Variants in ADCY8 observed in about 807,000 individuals in gnomAD.
The protein encoded by ADCY8 is adenylate cyclase type 8.
A neutral mutation model predicts 119.7 loss-of-function variants in ADCY8; 51 were observed. The observed-to-expected ratio is 0.43, with a 90% CI of 0.34 to 0.54. The LOEUF (loss-of-function observed/expected upper bound fraction) is 0.54. Ranked by LOEUF, ADCY8 falls within the 20% of genes least tolerant of loss-of-function variation. The pLI is 0.03. For missense variants in ADCY8, 1,383 were observed against 1,598.8 expected (o/e 0.87, Z 2.30); for synonymous variants, 665 against 651.0 (o/e 1.02, Z -0.33).
At chr8:130,966,756 C>T (rs552052396) in intron 2 of ADCY8, among the ~76,000 whole-genome samples, 24 of 152,128 alleles carry the variant, frequency 1.6e-4, no homozygotes, top group Non-Finnish European at 3.4e-4. Context: ...GTACCAGTTG[C>T]GTCCTGTGTG....
intron 1 of ADCY8, among the ~76,000 whole-genome samples, chr8:131,001,998 C>T (rs1033667397): frequency 3.3e-5 from 5 of 152,168 alleles, no homozygotes; most frequent in Admixed American, 6.5e-5. Flanking sequence ...ATCCTCACTA[C>T]GGGAGTGGAT....
intron 2 of ADCY8, among the ~76,000 whole-genome samples, chr8:130,984,138 C>T (rs1392523670): frequency 4.7e-5 from 7 of 147,506 alleles, no homozygotes; most frequent in East Asian, 4.0e-4. Context: ...CTTGCATGGG[C>T]GGGCTCCCTG....
intron 14 of ADCY8, among the ~76,000 whole-genome samples, chr8:130,806,376 A>T (rs1256442823): frequency 6.6e-6 from 1 of 152,174 alleles, no homozygotes; most frequent in Non-Finnish European, 1.5e-5. Context: ...AGCACAGTGG[A>T]ATATTCATCT....
At chr8:130,790,039 T>C (rs1217946731) in intron 15 of ADCY8, among the ~76,000 whole-genome samples, 3 of 152,206 alleles carry the variant, frequency 2.0e-5, no homozygotes, top group African/African-American at 4.8e-5. Flanking sequence ...TTGAATATTA[T>C]ATTCCAGGCA....
chr8:130,814,390 A>G (rs1355044550), intron 13 of ADCY8, among the ~76,000 whole-genome samples, 163 bp from the exon 14 acceptor site: 1 of 152,188 alleles, frequency 6.6e-6, no homozygotes, highest in African/African-American at 2.4e-5. Flanking sequence ...AAGCCAAGTG[A>G]TCAGAGAATG....
At chr8:130,947,134 T>A (rs1389666612) in intron 3 of ADCY8, among the ~76,000 whole-genome samples, 8 of 152,194 alleles carry the variant, frequency 5.3e-5, no homozygotes, top group African/African-American at 1.9e-4. Flanking sequence ...CCAAATAAAT[T>A]GTTTATTTGG....
At chr8:130,899,309 A>T (rs1819515367) in intron 7 of ADCY8, among the ~76,000 whole-genome samples, 1 of 152,126 alleles carries the variant, frequency 6.6e-6, no homozygotes, top group Non-Finnish European at 1.5e-5. Context: ...CACTCCTTTG[A>T]AATGTAAGCT....
At chr8:130,846,888 T>TTCCCTTTCCTTCC (rs56726941) in intron 11 of ADCY8, among the ~76,000 whole-genome samples, 1 of 19,834 alleles carries the variant, frequency 5.0e-5, no homozygotes, top group African/African-American at 2.5e-4. Flanking sequence ...TTCCCTTCCC[T>TTCCCTTTCCTTCC]TTCCTTCCTT....
intron 15 of ADCY8, among the ~76,000 whole-genome samples, chr8:130,792,152 G>A (rs982872496): frequency 1.3e-5 from 2 of 152,132 alleles, no homozygotes; most frequent in African/African-American, 4.8e-5. Flanking sequence ...CAGCAGCACT[G>A]GACCCAGCTG....
chr8:130,962,274 T>C (rs1201219573), intron 2 of ADCY8, among the ~76,000 whole-genome samples: 2 of 152,176 alleles, frequency 1.3e-5, no homozygotes, highest in Non-Finnish European at 2.9e-5. Context: ...TTAAATTCCC[T>C]GAAAACACAC....
At chr8:130,866,147 T>C (rs1586502283) in intron 9 of ADCY8, among the ~76,000 whole-genome samples, 1 of 152,130 alleles carries the variant, frequency 6.6e-6, no homozygotes, top group African/African-American at 2.4e-5. Context: ...TTGTTTATTA[T>C]AAATATAGTC....
chr8:130,936,653 T>G (rs1437314506), intron 5 of ADCY8, among the ~76,000 whole-genome samples: 1 of 152,218 alleles, frequency 6.6e-6, no homozygotes, highest in Non-Finnish European at 1.5e-5. Context: ...ACATCCTACG[T>G]TGAATTAACT....
intron 1 of ADCY8, among the ~76,000 whole-genome samples, chr8:131,034,621 T>C (rs1824093872): frequency 6.6e-6 from 1 of 152,274 alleles, no homozygotes; most frequent in East Asian, 1.9e-4. Context: ...ATGAGGAATT[T>C]AAATCTGACA....
intron 15 of ADCY8, among the ~76,000 whole-genome samples, chr8:130,786,583 A>AT (rs1234238588): frequency 2.0e-5 from 3 of 152,174 alleles, no homozygotes; most frequent in Non-Finnish European, 4.4e-5. Flanking sequence ...AAGCCACTAA[A>AT]TTTGTAGCCA....
intron 5 of ADCY8, among the ~76,000 whole-genome samples, chr8:130,921,937 T>A (rs909094602): frequency 2.0e-5 from 3 of 152,184 alleles, no homozygotes; most frequent in African/African-American, 7.2e-5. Flanking sequence ...ATAAGGGATC[T>A]GCCCTTATGA....
intron 1 of ADCY8, among the ~76,000 whole-genome samples, chr8:131,009,204 C>A (rs1220302235): frequency 6.6e-6 from 1 of 152,150 alleles, no homozygotes; most frequent in Non-Finnish European, 1.5e-5. Flanking sequence ...AGCCTCCCTA[C>A]CCCATCACAG....
intron 1 of ADCY8, among the ~76,000 whole-genome samples, chr8:131,008,381 G>A (rs186313780): frequency 6.2e-4 from 94 of 152,236 alleles, no homozygotes; most frequent in African/African-American, 2.1e-3. Context: ...TGCTATTCTT[G>A]GGATAATCAG....
Position 130,943,297 on chromosome 8 carries a change from A to G in ADCY8, c.1353+54T>C, listed in dbSNP as rs1821010816. ...CTGAATCCTTCTCTTTCCTTATTCC[A>G]TATGCAGTCCCTCACTCCTGCAAAA... is the stretch of plus-strand genomic sequence containing the variant. On this transcript the variant is annotated intron_variant, in intron 4 of 17. Transcript: ENST00000286355. 22 of 1,248,574 alleles carry G rather than the reference A, an allele frequency of 1.8e-5. 1 individual carries two copies. In the East Asian group the frequency reaches 4.9e-4, roughly 28 times the overall value. 77.3% of individuals were successfully genotyped at this position (1,248,574 alleles called of 1,614,324 possible).
intron 2 of ADCY8, among the ~76,000 whole-genome samples, chr8:130,963,199 C>G (rs12674666): frequency 0.88 from 132,880 of 151,406 alleles, 60,088 homozygotes; most frequent in Non-Finnish European, 0.98. Context: ...GTGGCTTAGT[C>G]CTTGGCAGGA....
Sources: gnomAD v4.1 joint callset for allele counts (sites outside exome capture counted in the v4.1 genomes callset) on GRCh38, gnomAD v4.1.1 for gene constraint, MANE v1.5 for transcripts, NCBI Gene and HGNC (gene_info 2026-07-23, HGNC 2026-07-21) for gene names.